RIMS2: variants seen among roughly 807,000 people sequenced by gnomAD.
RIMS2 encodes the protein regulating synaptic membrane exocytosis protein 2.
A neutral mutation model predicts 174.4 loss-of-function variants in RIMS2; 59 were observed. That is an observed-to-expected ratio of 0.34 (90% CI 0.27 to 0.42). The LOEUF is 0.42. Among genes scored for constraint, RIMS2 ranks in the 10% least tolerant of loss-of-function variants. The pLI, the probability that RIMS2 is intolerant of heterozygous loss-of-function variation, is 1.00. For synonymous variants in RIMS2, 606 were observed against 572.5 expected (o/e 1.06, Z -0.84); for missense variants, 1,620 against 1,666.3 (o/e 0.97, Z 0.48).
At chr8:103,793,300 C>T (rs1191263068) in intron 3 of RIMS2, among the ~76,000 whole-genome samples, 3 of 152,094 alleles carry the variant, frequency 2.0e-5, no homozygotes, top group Non-Finnish European at 2.9e-5. Context: ...TAAACGTAAC[C>T]CCTCATATAA....
At chr8:103,669,277 G>A (rs1173861046) in intron 1 of RIMS2, among the ~76,000 whole-genome samples, 1 of 152,138 alleles carries the variant, frequency 6.6e-6, no homozygotes, top group Non-Finnish European at 1.5e-5. Flanking sequence ...TGATTCAGTT[G>A]TCTCCCCCTG....
intron 19 of RIMS2, among the ~76,000 whole-genome samples, chr8:104,150,529 C>A (rs2098680918): frequency 6.6e-6 from 1 of 152,092 alleles, no homozygotes; most frequent in Admixed American, 6.5e-5. Context: ...GGAATGAATT[C>A]CTGGAGATGA....
intron 19 of RIMS2, among the ~76,000 whole-genome samples, chr8:104,127,407 G>A (rs1368961117): frequency 1.3e-5 from 2 of 152,148 alleles, no homozygotes; most frequent in Non-Finnish European, 2.9e-5. Context: ...GTTCGGCCCA[G>A]AGCTGGTTCC....
Position 103,768,835 on chromosome 8 carries a change from C to T in RIMS2, c.698+2298C>T, listed in dbSNP as rs373100531. 3.6e-5 allele frequency: 22 copies of T among 615,726 alleles called. No individual in the cohort carries two copies. The African/African-American group carries it at 3.7e-4, about 10-fold the overall frequency. The allele number at this position is 615,726 out of a possible 1,614,324, so 38.1% of individuals were successfully genotyped here. ...GCGTCTTATTACTCCATGTGTCCTG[C>T]AGCACAAATGGTGCCATATTGCTCT... is the stretch of plus-strand genomic sequence containing the variant. On this transcript the variant is annotated intron_variant, in intron 3 of 23. Transcript: ENST00000504942.
At chr8:103,662,809 A>G (rs143947970) in intron 1 of RIMS2, among the ~76,000 whole-genome samples, 19 of 152,256 alleles carry the variant, frequency 1.2e-4, no homozygotes, top group African/African-American at 4.6e-4. Context: ...TCTAATATCA[A>G]TATTTTATTT....
At chr8:103,579,145 G>A (rs928432951) in intron 1 of RIMS2, among the ~76,000 whole-genome samples, 5 of 152,114 alleles carry the variant, frequency 3.3e-5, no homozygotes, top group Non-Finnish European at 7.4e-5. Flanking sequence ...GTATGTGCCT[G>A]TAATCCCAGC....
chr8:104,151,197 G>T (rs1363631061), intron 19 of RIMS2, among the ~76,000 whole-genome samples: 1 of 152,168 alleles, frequency 6.6e-6, no homozygotes, highest in East Asian at 1.9e-4. Flanking sequence ...GTGAAGGAGA[G>T]AAAATTCTAA....
At chr8:103,693,030 G>A (rs1342704393) in intron 1 of RIMS2, among the ~76,000 whole-genome samples, 1 of 152,130 alleles carries the variant, frequency 6.6e-6, no homozygotes, top group Non-Finnish European at 1.5e-5. Context: ...TGGTGATGGG[G>A]CTTACCTTTG....
chr8:103,988,824 A>G (rs1026969012), intron 16 of RIMS2, among the ~76,000 whole-genome samples: 1 of 152,120 alleles, frequency 6.6e-6, no homozygotes, highest in Non-Finnish European at 1.5e-5. Flanking sequence ...ATCAAGGGAG[A>G]TGGCGCAAAG....
chr8:104,252,310 A>C (rs2099361164), downstream of RIMS2: 1 of 163,842 alleles, frequency 6.1e-6, no homozygotes, highest in Admixed American at 5.7e-5. Flanking sequence ...AACAATCATC[A>C]GCCCTCCTCT....
chr8:104,213,279 C>G (rs905063141), intron 19 of RIMS2, among the ~76,000 whole-genome samples: 1 of 152,150 alleles, frequency 6.6e-6, no homozygotes, highest in African/African-American at 2.4e-5. Context: ...CCCCTGCACT[C>G]CAGCCTGTGC....
intron 19 of RIMS2, among the ~76,000 whole-genome samples, chr8:104,048,201 A>G (rs529930838): frequency 6.2e-4 from 94 of 152,316 alleles, no homozygotes; most frequent in South Asian, 1.2e-3. Context: ...TAAAATATTA[A>G]AAGCCTTAAC....
chr8:104,030,393 A>G (rs1321602713), intron 19 of RIMS2, among the ~76,000 whole-genome samples: 2 of 152,210 alleles, frequency 1.3e-5, no homozygotes, highest in Admixed American at 6.5e-5. Context: ...CTTTAGAAAC[A>G]TATAAATAAA....
At chr8:103,805,236 A>C (rs185110417) in intron 3 of RIMS2, among the ~76,000 whole-genome samples, 14 of 152,188 alleles carry the variant, frequency 9.2e-5, no homozygotes, top group Admixed American at 7.9e-4. Context: ...AGGAATCCTG[A>C]AGAGTGAATT....
chr8:103,911,506 G>A (rs1052831651), intron 5 of RIMS2, among the ~76,000 whole-genome samples: 5 of 152,110 alleles, frequency 3.3e-5, no homozygotes, highest in Non-Finnish European at 7.4e-5. Context: ...ATTGGGGCTT[G>A]TGTACACTTT....
chr8:103,814,892 G>A (rs1240921388), intron 3 of RIMS2, among the ~76,000 whole-genome samples: 2 of 152,108 alleles, frequency 1.3e-5, no homozygotes, highest in Admixed American at 6.6e-5. Context: ...AGAAACCATT[G>A]CTAATGATAT....
exon 13 of RIMS2, chr8:103,936,637 G>A (rs538104363): frequency 2.7e-5 from 43 of 1,611,130 alleles, no homozygotes; most frequent in African/African-American, 8.0e-5. Flanking sequence ...CCAGTCCACC[G>A]AAGAGAATTT....
At chr8:104,098,809 T>A (rs78498876) in intron 19 of RIMS2, among the ~76,000 whole-genome samples, 4,512 of 152,258 alleles carry the variant, frequency 0.03, 189 homozygotes, top group African/African-American at 0.099. Flanking sequence ...TCAGAGTTAG[T>A]GTGAAAACAG....
At chr8:103,853,882 A>T (rs1011488455) in intron 3 of RIMS2, among the ~76,000 whole-genome samples, 2 of 152,006 alleles carry the variant, frequency 1.3e-5, no homozygotes, top group African/African-American at 4.8e-5. Context: ...TTTTGATTCT[A>T]TATGAATTTT....
Sources: allele counts gnomAD v4.1 joint callset (sites outside exome capture counted in the v4.1 genomes callset), GRCh38; gene constraint gnomAD v4.1.1; transcripts MANE v1.5; gene names NCBI Gene and HGNC (gene_info 2026-07-23, HGNC 2026-07-21).